The following SMLR1 variants were observed in gnomAD, a reference collection of about 807,000 sequenced individuals.
SMLR1 encodes the protein small leucine-rich protein 1.
A neutral mutation model predicts 6.1 loss-of-function variants in SMLR1; 3 were observed. The ratio of observed to expected loss-of-function variants is 0.49; its 90% CI spans 0.22 to 1.28. The LOEUF (loss-of-function observed/expected upper bound fraction) is 1.28. Among genes scored for constraint, SMLR1 ranks in the 50% most tolerant of loss-of-function variants. SMLR1 has a pLI of 0.19. For missense variants in SMLR1, 126 were observed against 124.8 expected (o/e 1.01, Z -0.05); for synonymous variants, 55 against 53.6 (o/e 1.03, Z -0.11).
At position 130,835,048 on chromosome 6, in the gene SMLR1, C is replaced by CT; in HGVS notation, c.*94dup. The CT allele has an allele frequency of 1.0e-6, 1 of 979,330 alleles. No individual in the cohort carries two copies. The highest frequency in any genetic ancestry group is 1.4e-5 in the South Asian group (1 of 71,280). 60.7% of individuals were successfully genotyped at this position (979,330 alleles called of 1,614,324 possible). A position where few individuals can be genotyped will look rare whatever the true frequency, so the allele number is the denominator to read the frequency against. On this transcript the variant is annotated 3_prime_UTR_variant, in exon 2 of 2. Coordinates refer to ENST00000541421, the MANE Select transcript of SMLR1 (RefSeq NM_001195597.2). ...TCAGCTAATAAAGTAGGTTGATAAA[C>CT]TAGAACCATAGCAAAATAGAAAGAA...
rs529457988 is a variant in SMLR1, at chr6:130,836,095, C to T, written c.*1140C>T. ...AGTGCTGGATTTTTACTGCTTCTTCCCCTCAGCCCCACCCTAAAATTCTTG... is the reference window on the plus strand; with the variant it reads ...AGTGCTGGATTTTTACTGCTTCTTCTCCTCAGCCCCACCCTAAAATTCTTG... On this transcript the variant is annotated 3_prime_UTR_variant, in exon 2 of 2. Coordinates refer to ENST00000541421, the MANE Select transcript of SMLR1 (RefSeq NM_001195597.2). The T allele has an allele frequency of 6.6e-6, 1 of 152,248 alleles. No individual in the cohort carries two copies. Among genetic ancestry groups the T allele is most frequent in the East Asian group, 1.9e-4 (1 of 5,188 alleles). 9.4% of individuals were successfully genotyped at this position (152,248 alleles called of 1,614,324 possible).
rs761567493 is a variant in SMLR1 at position 130,835,670 on chromosome 6, G to A, written c.*715G>A. 2 of 152,192 alleles carry A rather than the reference G, an allele frequency of 1.3e-5. No individual in the cohort carries two copies. The highest frequency in any genetic ancestry group is 2.9e-5 in the Non-Finnish European group (2 of 68,040). 9.4% of individuals were successfully genotyped at this position (152,192 alleles called of 1,614,324 possible). A position where few individuals can be genotyped will look rare whatever the true frequency, so the allele number is the denominator to read the frequency against. ...GCAGAATGTTCACATAATTCCTGAGGAGGAGAATACAAGTCTTTGCCTGTA... is the reference window on the plus strand; with the variant it reads ...GCAGAATGTTCACATAATTCCTGAGAAGGAGAATACAAGTCTTTGCCTGTA... On this transcript the variant is annotated 3_prime_UTR_variant, in exon 2 of 2. Transcript: ENST00000541421.
rs1774615787 is a variant in SMLR1, at chr6:130,835,204, A to T, written c.*249A>T. ...GATTTCCTGGGTATATACACTGGAC[A>T]CATTGTAACTTTTTAACTTTTATTG... On this transcript the variant is annotated 3_prime_UTR_variant, in exon 2 of 2. Transcript: ENST00000541421. The T allele has an allele frequency of 7.5e-6, 3 of 400,714 alleles. No individual in the cohort carries two copies. The allele number at this position is 400,714 out of a possible 1,614,324, so 24.8% of individuals were successfully genotyped here.
chr6:130,831,605 G>A (rs1774449862), intron 1 of SMLR1, among the ~76,000 whole-genome samples: 1 of 152,146 alleles, frequency 6.6e-6, no homozygotes, highest in Non-Finnish European at 1.5e-5. Context: ...AATATCACCA[G>A]TTTGTATCTC....
intron 1 of SMLR1, among the ~76,000 whole-genome samples, chr6:130,833,460 T>C (rs1774533140): frequency 6.6e-6 from 1 of 152,212 alleles, no homozygotes. Flanking sequence ...GTTAAAAGTC[T>C]AAGCCATGGG....
rs1457051389 is a variant in SMLR1, at chr6:130,835,888, CA to C, written c.*935del. Reference sequence around the variant, plus strand: ...CCAGTTAACATAAATCAAAGATGTTCAATGCATTCTAAGTGTAAGACTGGTT... The same window carrying C: ...CCAGTTAACATAAATCAAAGATGTTCATGCATTCTAAGTGTAAGACTGGTT... On this transcript the variant is annotated 3_prime_UTR_variant, in exon 2 of 2. Transcript: ENST00000541421. 1 of 152,126 alleles carries C rather than the reference CA, an allele frequency of 6.6e-6. No individual in the cohort carries two copies. The highest frequency in any genetic ancestry group is 1.5e-5 in the Non-Finnish European group (1 of 68,016). 9.4% of individuals were successfully genotyped at this position (152,126 alleles called of 1,614,324 possible). A position where few individuals can be genotyped will look rare whatever the true frequency, so the allele number is the denominator to read the frequency against.
Position 130,835,090 on chromosome 6 carries a change from C to A in SMLR1, c.*135C>A. 1.4e-6 allele frequency: 1 copy of A among 690,474 alleles called. No individual in the cohort carries two copies. Among genetic ancestry groups the A allele is most frequent in the South Asian group, 1.8e-5 (1 of 55,396 alleles). 42.8% of individuals were successfully genotyped at this position (690,474 alleles called of 1,614,324 possible). A position where few individuals can be genotyped will look rare whatever the true frequency, so the allele number is the denominator to read the frequency against. On this transcript the variant is annotated 3_prime_UTR_variant, in exon 2 of 2. Transcript: ENST00000541421. The stretch of plus-strand genomic sequence containing the variant: ...TAGAAAGAATACTAAGATACTCATT[C>A]TGAACCATACTGAAAAGTGGCAGCT...
At chr6:130,829,896 T>C (rs911005277) in intron 1 of SMLR1, among the ~76,000 whole-genome samples, 1 of 152,178 alleles carries the variant, frequency 6.6e-6, no homozygotes, top group African/African-American at 2.4e-5. Context: ...GGGTCCATGC[T>C]CACTGGGTAG....
chr6:130,827,526 T>C lies in SMLR1; in HGVS notation c.113T>C (p.Met38Thr), dbSNP rs950340120. ...MVPVGSVWLA[M>T]SSVLSAFMRE... ...CCCGTGGGGTCTGTGTGGTTGGCAATGAGCTCTGTGCTGTCAGCTTTCATG... is the reference window on the plus strand; with the variant it reads ...CCCGTGGGGTCTGTGTGGTTGGCAACGAGCTCTGTGCTGTCAGCTTTCATG... Residue 38 changes from methionine (M) to threonine (T), a missense_variant, in exon 1 of 2, where the codon ATG (methionine) becomes ACG (threonine). Transcript: ENST00000541421. The C allele has an allele frequency of 1.3e-6, 2 of 1,535,730 alleles. No homozygotes were observed. The highest frequency in any genetic ancestry group is 1.7e-6 in the Non-Finnish European group (2 of 1,146,712).
rs776271426 is a variant in SMLR1, at chr6:130,827,535, T to C, written c.122T>C (p.Val41Ala). 9 of 1,536,020 alleles carry C rather than the reference T, an allele frequency of 5.9e-6. No homozygotes were observed. The South Asian group carries it at 7.1e-5, about 12-fold the overall frequency. Reference sequence around the variant, plus strand: ...TCTGTGTGGTTGGCAATGAGCTCTGTGCTGTCAGCTTTCATGAGGGAGCTC... The same window carrying C: ...TCTGTGTGGTTGGCAATGAGCTCTGCGCTGTCAGCTTTCATGAGGGAGCTC... ...VGSVWLAMSS[V>A]LSAFMRELPG... The change falls in exon 1 of 2, where the codon GTG becomes GCG. Residue 41 changes from valine to alanine, a missense_variant. By Grantham distance (64) the Val-to-Ala change is moderately conservative. Transcript: ENST00000541421.
Position 130,834,851 on chromosome 6 carries a change from C to A in SMLR1, c.239-19C>A. 1 of 1,528,954 alleles carries A rather than the reference C, an allele frequency of 6.5e-7. No individual in the cohort carries two copies. Among genetic ancestry groups the A allele is most frequent in the Non-Finnish European group, 8.8e-7 (1 of 1,140,654 alleles). The allele number at this position is 1,528,954 out of a possible 1,614,324, so 94.7% of individuals were successfully genotyped here. A position where few individuals can be genotyped will look rare whatever the true frequency, so the allele number is the denominator to read the frequency against. ...CACTCAGATGTCTCCAAATTATTAA[C>A]TAATATTTTTCCTTTCAGTTAATGA... On this transcript the variant is annotated intron_variant, in intron 1 of 1. Transcript: ENST00000541421.
chr6:130,835,125 G>T lies in SMLR1; in HGVS notation c.*170G>T. 3.3e-6 allele frequency: 2 copies of T among 605,896 alleles called. No individual in the cohort carries two copies. The highest frequency in any genetic ancestry group is 5.8e-5 in the Admixed American group (2 of 34,716). The allele number at this position is 605,896 out of a possible 1,614,324, so 37.5% of individuals were successfully genotyped here. A position where few individuals can be genotyped will look rare whatever the true frequency, so the allele number is the denominator to read the frequency against. ...CTGAAAAGTGGCAGCTATTATCTAA[G>T]GGGACTTCTCAGAGACTCAGTATAA... On this transcript the variant is annotated 3_prime_UTR_variant, in exon 2 of 2. Coordinates refer to ENST00000541421, the MANE Select transcript of SMLR1 (RefSeq NM_001195597.2).
rs992407964 is a variant in SMLR1 at position 130,827,563 on chromosome 6, T to C, written c.150T>C (p.Pro50=). The change falls in exon 1 of 2, where the codon CCT becomes CCC. Residue 50 remains proline, a synonymous_variant. Transcript: ENST00000541421. ...SVLSAFMREL[P]GWFLFFGVFL... ...TGTCAGCTTTCATGAGGGAGCTCCC[T>C]GGCTGGTTCCTGTTCTTTGGGGTCT... 22 of 1,535,862 alleles carry C rather than the reference T, an allele frequency of 1.4e-5. No individual in the cohort carries two copies. The highest frequency in any genetic ancestry group is 1.8e-5 in the Non-Finnish European group (21 of 1,146,836).
rs1399143230 is a variant in SMLR1 at position 130,827,440 on chromosome 6, A to T, written c.27A>T (p.Arg9Ser). 1 of 1,535,898 alleles carries T rather than the reference A, an allele frequency of 6.5e-7. No homozygotes were observed. The highest frequency in any genetic ancestry group is 2.0e-5 in the Admixed American group (1 of 50,976). The stretch of plus-strand genomic sequence containing the variant: ...TGCTGAGCAAAGGCCGGAGCCCCAG[A>T]AGAAAACAAGTACAGACTCAGAGGA... MLSKGRSP[R>S]RKQVQTQRKA... The change falls in exon 1 of 2, where the codon AGA becomes AGT. Residue 9 changes from arginine (R) to serine (S), a missense_variant. Coordinates refer to ENST00000541421, the MANE Select transcript of SMLR1 (RefSeq NM_001195597.2).
chr6:130,831,097 TA>T (rs1774430922), intron 1 of SMLR1, among the ~76,000 whole-genome samples: 1 of 152,226 alleles, frequency 6.6e-6, no homozygotes, highest in Non-Finnish European at 1.5e-5. Context: ...CCCTTTCCTG[TA>T]AGAAGGACAG....
intron 1 of SMLR1, among the ~76,000 whole-genome samples, chr6:130,833,216 GAC>G (rs1355588620): frequency 6.6e-6 from 1 of 152,168 alleles, no homozygotes; most frequent in African/African-American, 2.4e-5. Context: ...GCCTAGCAAA[GAC>G]ACTTAATTCA....
At chr6:130,827,769 G>T (rs147846641) in intron 1 of SMLR1, 118 bp downstream of exon 1, 4 of 720,450 alleles carry the variant, frequency 5.6e-6, no homozygotes, top group Non-Finnish European at 8.8e-6. Context: ...TATATATTTT[G>T]TAGGTACTTC....
intron 1 of SMLR1, 102 bp downstream of exon 1, chr6:130,827,753 T>C: frequency 3.3e-6 from 2 of 612,092 alleles, no homozygotes; most frequent in Non-Finnish European, 5.3e-6. Context: ...AGGAGAAACA[T>C]ATATATATAT....
chr6:130,835,765 T>C lies in SMLR1; in HGVS notation c.*810T>C, dbSNP rs1421619908. On this transcript the variant is annotated 3_prime_UTR_variant, in exon 2 of 2. Coordinates refer to ENST00000541421, the MANE Select transcript of SMLR1 (RefSeq NM_001195597.2). ...ACATTTCACTACAGTTCTTTTTCAG[T>C]GGGAGCCCCAAAGAGACAACATAGG... 2 of 152,182 alleles carry C rather than the reference T, an allele frequency of 1.3e-5. No individual in the cohort carries two copies. The highest frequency in any genetic ancestry group is 3.8e-4 in the East Asian group (2 of 5,198). 9.4% of individuals were successfully genotyped at this position (152,182 alleles called of 1,614,324 possible).
Sources: allele counts gnomAD v4.1 joint callset (sites outside exome capture counted in the v4.1 genomes callset), GRCh38; gene constraint gnomAD v4.1.1; transcripts MANE v1.5; gene names NCBI Gene and HGNC (gene_info 2026-07-23, HGNC 2026-07-21).